The following TMEM135 variants were observed in gnomAD, a reference collection of about 807,000 sequenced individuals.
TMEM135 encodes peroxisomal membrane protein 52.
In TMEM135, 30 loss-of-function variants were observed where a neutral mutation model predicts 60.3. That is an observed-to-expected ratio of 0.50 (90% confidence interval 0.37 to 0.68). The LOEUF (loss-of-function observed/expected upper bound fraction) is 0.68. TMEM135 is among the 30% of genes least tolerant of loss of function. The probability of loss-of-function intolerance (pLI) is 0.00; values close to 1 mark genes in which losing one functional copy is unlikely to be tolerated. For synonymous variants in TMEM135, 190 were observed against 186.7 expected (o/e 1.02, Z -0.14); for missense variants, 468 against 548.8 (o/e 0.85, Z 1.47).
At chr11:87,188,792 G>C (rs188697162) in intron 5 of TMEM135, among the ~76,000 whole-genome samples, 46 of 151,926 alleles carry the variant, frequency 3.0e-4, no homozygotes, top group African/African-American at 1.1e-3. Flanking sequence ...TAAAAAACGA[G>C]TATCCCTGTT....
intron 6 of TMEM135, among the ~76,000 whole-genome samples, chr11:87,274,506 C>CTA (rs2135414045): frequency 6.6e-6 from 1 of 152,236 alleles, no homozygotes; most frequent in East Asian, 1.9e-4. Flanking sequence ...TTCAGAAAGA[C>CTA]TAAAATATGC....
chr11:87,311,056 TAATA>T (rs936684011), intron 10 of TMEM135, among the ~76,000 whole-genome samples: 6 of 151,454 alleles, frequency 4.0e-5, no homozygotes, highest in African/African-American at 1.5e-4. Context: ...ATGTATATTT[TAATA>T]AATATATTGA....
intron 4 of TMEM135, among the ~76,000 whole-genome samples, chr11:87,138,291 A>G (rs993444935): frequency 4.6e-5 from 7 of 151,938 alleles, no homozygotes; most frequent in Non-Finnish European, 7.4e-5. Context: ...GGGTTTCACC[A>G]TGTTGGCCAG....
intron 5 of TMEM135, among the ~76,000 whole-genome samples, chr11:87,208,684 G>A (rs652398): frequency 0.13 from 19,513 of 152,140 alleles, 1,307 homozygotes; most frequent in Non-Finnish European, 0.15. Context: ...TCACTAGAGA[G>A]GTTGACATGC....
chr11:87,179,660 G>A (rs1939465684), intron 5 of TMEM135, among the ~76,000 whole-genome samples: 2 of 152,060 alleles, frequency 1.3e-5, no homozygotes, highest in African/African-American at 4.8e-5. Flanking sequence ...TGTACCAGCA[G>A]CATTTTTTGA....
At chr11:87,239,048 G>C in intron 6 of TMEM135, among the ~76,000 whole-genome samples, 1 of 151,984 alleles carries the variant, frequency 6.6e-6, no homozygotes, top group African/African-American at 2.4e-5. Flanking sequence ...AGGAAATTAT[G>C]TTTTGAAAAC....
At chr11:87,281,619 A>G (rs1229296018) in intron 6 of TMEM135, among the ~76,000 whole-genome samples, 1 of 152,236 alleles carries the variant, frequency 6.6e-6, no homozygotes, top group East Asian at 1.9e-4. Flanking sequence ...CTTGGCGTGT[A>G]TGGTAGACTG....
intron 6 of TMEM135, among the ~76,000 whole-genome samples, chr11:87,248,508 G>A (rs1225033812): frequency 1.3e-5 from 2 of 152,156 alleles, no homozygotes; most frequent in East Asian, 1.9e-4. Context: ...TTCTTTTGAA[G>A]AAGTAGTGTA....
At chr11:87,311,233 A>G (rs1942637185) in intron 10 of TMEM135, among the ~76,000 whole-genome samples, 1 of 151,766 alleles carries the variant, frequency 6.6e-6, no homozygotes, top group South Asian at 2.1e-4. Context: ...TTCTGTAAAA[A>G]TTTACTCATA....
intron 5 of TMEM135, among the ~76,000 whole-genome samples, chr11:87,187,601 C>T (rs1939683863): frequency 6.6e-6 from 1 of 152,142 alleles, no homozygotes; most frequent in Non-Finnish European, 1.5e-5. Context: ...TGAGCTGAAA[C>T]ATGCTGTGCG....
Position 87,321,904 on chromosome 11 carries a change from A to G in TMEM135, c.*571A>G, listed in dbSNP as rs555918047. The stretch of plus-strand genomic sequence containing the variant: ...TGGCCATTCTTACTTCAGGGATGCA[A>G]AGATGGGTCTCATACCATTTGGATA... On this transcript the variant is annotated 3_prime_UTR_variant, in exon 15 of 15. Transcript: ENST00000305494. The G allele has an allele frequency of 1.9e-3, 860 of 454,420 alleles. 3 individuals are homozygous for G. The highest frequency in any genetic ancestry group is 3.0e-3 in the Non-Finnish European group (689 of 226,736). 28.1% of individuals were successfully genotyped at this position (454,420 alleles called of 1,614,324 possible). A position where few individuals can be genotyped will look rare whatever the true frequency, so the allele number is the denominator to read the frequency against.
intron 2 of TMEM135, among the ~76,000 whole-genome samples, chr11:87,071,094 G>A (rs1260814378): frequency 6.6e-6 from 1 of 152,234 alleles, no homozygotes; most frequent in Non-Finnish European, 1.5e-5. Context: ...CTGAATGAAT[G>A]TGGCCGGCTG....
chr11:87,239,697 G>A (rs1941087174), intron 6 of TMEM135, among the ~76,000 whole-genome samples: 2 of 151,450 alleles, frequency 1.3e-5, no homozygotes, highest in South Asian at 4.2e-4. Flanking sequence ...CTGTGAATGG[G>A]CAAAGGGGAA....
chr11:87,132,569 C>T (rs2135233832), intron 4 of TMEM135, among the ~76,000 whole-genome samples: 1 of 152,206 alleles, frequency 6.6e-6, no homozygotes, highest in African/African-American at 2.4e-5. Flanking sequence ...GTAGTCTTGA[C>T]TCTTTTAATA....
chr11:87,142,857 T>G (rs2135247700), intron 4 of TMEM135, among the ~76,000 whole-genome samples: 1 of 152,052 alleles, frequency 6.6e-6, no homozygotes, highest in South Asian at 2.1e-4. Flanking sequence ...TTCTTCCTCT[T>G]TTTTTCTTCA....
intron 6 of TMEM135, among the ~76,000 whole-genome samples, chr11:87,283,966 G>T (rs1942115865): frequency 6.6e-6 from 1 of 151,894 alleles, no homozygotes; most frequent in South Asian, 2.1e-4. Context: ...AAAACTGAAA[G>T]TATTTGTTTG....
At chr11:87,164,237 A>G (rs1461982236) in intron 5 of TMEM135, among the ~76,000 whole-genome samples, 1 of 119,500 alleles carries the variant, frequency 8.4e-6, no homozygotes, top group Non-Finnish European at 1.7e-5. Context: ...AAAGGGATCC[A>G]GTTTCAGCTT....
Position 87,067,791 on chromosome 11 carries a change from C to A in TMEM135, c.239C>A (p.Ala80Asp). 1.2e-6 allele frequency: 2 copies of A among 1,613,798 alleles called. No individual in the cohort carries two copies. Among genetic ancestry groups the A allele is most frequent in the Non-Finnish European group, 1.7e-6 (2 of 1,179,898 alleles). The change falls in exon 2 of 15, where the codon GCC becomes GAC. Residue 80 changes from alanine (A) to aspartate (D), a missense_variant. Ala to Asp is a moderately radical substitution (Grantham distance 126). Transcript: ENST00000305494. ...GCTTCATTTCTAACTGCTAATGGGG[C>A]CTTGTATATGGCTTTCTTTTGCATT... is the stretch of plus-strand genomic sequence containing the variant. ...QSASFLTANGALYMAFFCILR... is the reference protein window; with the variant it reads ...QSASFLTANGDLYMAFFCILR...
intron 6 of TMEM135, among the ~76,000 whole-genome samples, chr11:87,253,076 C>T (rs495847): frequency 0.66 from 100,040 of 151,784 alleles, 33,536 homozygotes; most frequent in Non-Finnish European, 0.71. Flanking sequence ...AAGCTTATTA[C>T]ACCAAGTCAC....
Sources: allele counts gnomAD v4.1 joint callset (sites outside exome capture counted in the v4.1 genomes callset), GRCh38; gene constraint gnomAD v4.1.1; transcripts MANE v1.5; gene names NCBI Gene and HGNC (gene_info 2026-07-23, HGNC 2026-07-21).